Variants in SCTR observed in about 807,000 individuals in gnomAD.
SCTR encodes pancreatic secretin receptor.
Under a neutral mutation model 60.8 loss-of-function variants are expected in SCTR, and 56 were observed. The observed-to-expected ratio is 0.92, with a 90% CI of 0.74 to 1.15. The LOEUF (loss-of-function observed/expected upper bound fraction) is 1.15. Among genes scored for constraint, SCTR ranks in the 50% most tolerant of loss-of-function variants. The pLI, the probability that SCTR is intolerant of heterozygous loss-of-function variation, is 0.00. For synonymous variants in SCTR, 202 were observed against 217.0 expected (o/e 0.93, Z 0.61); for missense variants, 562 against 550.4 (o/e 1.02, Z -0.21).
chr2:119,495,274 A>G (rs1678302134), intron 1 of SCTR, among the ~76,000 whole-genome samples: 1 of 152,226 alleles, frequency 6.6e-6, no homozygotes, highest in South Asian at 2.1e-4. Flanking sequence ...TTTGATTCAG[A>G]CAAGTTCTTT....
At chr2:119,454,854 CA>C (rs34210976) in intron 7 of SCTR, among the ~76,000 whole-genome samples, 11 of 145,214 alleles carry the variant, frequency 7.6e-5, no homozygotes, top group Middle Eastern at 3.6e-3. Flanking sequence ...AACTCCATCT[CA>C]AAAAAAAAAA....
rs145231905 is a variant in SCTR at position 119,463,163 on chromosome 2, CTT to C, written c.636+958_636+959del. 5.6e-3 allele frequency among the ~76,000 whole-genome samples: 845 copies of C among 152,246 alleles called. 10 individuals are homozygous for C. Among genetic ancestry groups the C allele is most frequent in the African/African-American group, 0.019 (799 of 41,540 alleles). On this transcript the variant is annotated intron_variant, in intron 6 of 12. Transcript: ENST00000019103. ...CTGAACTAATCTCAATTTCCAATCT[CTT>C]TTCTCCCTTGCTCGCCTCTACTATA...
chr2:119,479,088 A>C, intron 2 of SCTR, 170 bp from the exon 3 acceptor site: 1 of 1,439,688 alleles, frequency 6.9e-7, no homozygotes, highest in Non-Finnish European at 9.1e-7. Context: ...TGTCTAATGC[A>C]CCCTTGGACT....
intron 9 of SCTR, among the ~76,000 whole-genome samples, chr2:119,451,467 A>T (rs1411044200): frequency 6.6e-6 from 1 of 152,176 alleles, no homozygotes. Context: ...ACCAGGGTTG[A>T]CACTCACAAG....
At chr2:119,493,178 C>G (rs1347253035) in intron 2 of SCTR, among the ~76,000 whole-genome samples, 2 of 152,226 alleles carry the variant, frequency 1.3e-5, no homozygotes, top group African/African-American at 4.8e-5. Context: ...CCTTTTGTAT[C>G]TGGCTTGTTT....
intron 7 of SCTR, among the ~76,000 whole-genome samples, chr2:119,458,332 T>C (rs1573817180): frequency 7.0e-6 from 1 of 143,210 alleles, no homozygotes; most frequent in Non-Finnish European, 1.5e-5. Context: ...CCGGGCGTGG[T>C]GGCTCACGCC....
At chr2:119,512,353 CCTTCT>C (rs1678982389) in intron 1 of SCTR, among the ~76,000 whole-genome samples, 1 of 71,976 alleles carries the variant, frequency 1.4e-5, no homozygotes, top group African/African-American at 7.9e-5. Context: ...TTCTCCTTCT[CCTTCT>C]CCTTCTCCTT....
chr2:119,455,601 G>A (rs1031883608), intron 7 of SCTR, among the ~76,000 whole-genome samples: 10 of 152,190 alleles, frequency 6.6e-5, no homozygotes, highest in Admixed American at 5.9e-4. Context: ...GCTTAGGAAC[G>A]GAGCATATGA....
chr2:119,504,705 G>A (rs1358941045), intron 1 of SCTR, among the ~76,000 whole-genome samples: 2 of 152,054 alleles, frequency 1.3e-5, no homozygotes, highest in African/African-American at 4.8e-5. Context: ...ATCCATATAA[G>A]AAAAGATTGA....
chr2:119,460,838 C>T lies in SCTR; in HGVS notation c.790+1009G>A, dbSNP rs6755727. 9.9e-3 allele frequency among the ~76,000 whole-genome samples: 1,502 copies of T among 152,290 alleles called. 23 individuals are homozygous for T. The highest frequency in any genetic ancestry group is 0.034 in the African/African-American group (1,414 of 41,534). The stretch of plus-strand genomic sequence containing the variant: ...TTAGGAAGTCATGTGGTTTGAGTAG[C>T]TAAGGCCAATCAACATATTTCATTC... On this transcript the variant is annotated intron_variant, in intron 7 of 12. Coordinates refer to ENST00000019103, the MANE Select transcript of SCTR (RefSeq NM_002980.3).
At chr2:119,463,570 A>C (rs1683702577) in intron 6 of SCTR, among the ~76,000 whole-genome samples, 1 of 152,182 alleles carries the variant, frequency 6.6e-6, no homozygotes, top group African/African-American at 2.4e-5. Context: ...CCATTTGTTT[A>C]AGACCCCAAT....
chr2:119,484,392 C>A (rs531425268), intron 2 of SCTR, among the ~76,000 whole-genome samples: 5 of 152,236 alleles, frequency 3.3e-5, no homozygotes, highest in Admixed American at 2.6e-4. Context: ...GAAGACAATG[C>A]CACCACCTGG....
At chr2:119,519,821 A>G (rs1350933302) in intron 1 of SCTR, among the ~76,000 whole-genome samples, 2 of 123,734 alleles carry the variant, frequency 1.6e-5, no homozygotes, top group African/African-American at 5.7e-5. Context: ...AAAAAAAAAA[A>G]AAAAAAGAAA....
rs145809237 is a variant in SCTR at position 119,461,945 on chromosome 2, G to A, written c.692C>T (p.Ser231Phe). Residue 231 changes from serine (S) to phenylalanine (F), a missense_variant, in exon 7 of 13, where the codon TCC (serine) becomes TTC (phenylalanine). Coordinates refer to ENST00000019103, the MANE Select transcript of SCTR (RefSeq NM_002980.3). ...GTAGAGGCCTTCCACCAGCAGCCAGGAGTAGTTGGCCATGATGCAGTACTG... is the reference window on the plus strand; with the variant it reads ...GTAGAGGCCTTCCACCAGCAGCCAGAAGTAGTTGGCCATGATGCAGTACTG... Reference protein sequence around the residue: ...LFQYCIMANYSWLLVEGLYLH... With the variant: ...LFQYCIMANYFWLLVEGLYLH... 5.0e-6 allele frequency: 8 copies of A among 1,613,910 alleles called. 1 individual carries two copies. In the Admixed American group the frequency reaches 5.0e-5, roughly 10 times the overall value.
In SCTR at chr2:119,511,983, A is replaced by G. The variant is rs992903126; in HGVS notation, c.72+12172T>C. Among the ~76,000 whole-genome samples the G allele has an allele frequency of 1.7e-4, 26 of 152,166 alleles. 1 individual carries two copies. Among genetic ancestry groups the G allele is most frequent in the Admixed American group, 1.6e-3 (24 of 15,292 alleles). On this transcript the variant is annotated intron_variant, in intron 1 of 12. Transcript: ENST00000019103. ...CCAATTCTGATTCCAAATCTTTTGT[A>G]TACAACTTTTTTGTTTTGTCCCTAG... is the stretch of plus-strand genomic sequence containing the variant.
In SCTR at chr2:119,453,282, C is replaced by A; in HGVS notation, c.851+5G>T. 1 of 1,604,088 alleles carries A rather than the reference C, an allele frequency of 6.2e-7. No individual in the cohort carries two copies. Among genetic ancestry groups the A allele is most frequent in the Non-Finnish European group, 8.5e-7 (1 of 1,170,890 alleles). On this transcript the variant is annotated splice_donor_5th_base_variant and intron_variant, in intron 8 of 12. Transcript: ENST00000019103. ...ATTCTTGTTATCCTCCTTCCGTTAG[C>A]TTACCCAACATCTTCCAGAAAGTGT...
intron 2 of SCTR, among the ~76,000 whole-genome samples, chr2:119,493,214 G>C (rs2104897618): frequency 6.6e-6 from 1 of 152,334 alleles, no homozygotes; most frequent in South Asian, 2.1e-4. Context: ...TTCAAGGTTT[G>C]TCCATGCTGT....
intron 1 of SCTR, among the ~76,000 whole-genome samples, chr2:119,501,300 C>T (rs775011998): frequency 1.3e-5 from 2 of 151,968 alleles, no homozygotes; most frequent in Admixed American, 6.6e-5. Context: ...GTTCCAGCTA[C>T]TCGGGAGGCT....
chr2:119,478,869 C>T lies in SCTR; in HGVS notation c.243G>A (p.Pro81=), dbSNP rs200813938. Residue 81 remains proline (P), a synonymous_variant, in exon 3 of 13, where the codon CCG becomes CCA. Transcript: ENST00000019103. The part of the protein sequence containing the change: ...DNISCWPSSV[P]GRMVEVECPR... ...GGCATTCCACCTCCACCATCCGGCC[C>T]GGCACAGAAGAGGGCCAGCAGCTTA... 1.5e-4 allele frequency: 238 copies of T among 1,614,070 alleles called. No individual in the cohort carries two copies. The highest frequency in any genetic ancestry group is 1.9e-4 in the Non-Finnish European group (222 of 1,180,038).
Sources: gnomAD v4.1 joint callset for allele counts (sites outside exome capture counted in the v4.1 genomes callset) on GRCh38, gnomAD v4.1.1 for gene constraint, MANE v1.5 for transcripts, NCBI Gene and HGNC (gene_info 2026-07-23, HGNC 2026-07-21) for gene names.